The following C9orf153 variants were observed in gnomAD, a reference collection of about 807,000 sequenced individuals.
The protein encoded by C9orf153 is uncharacterized protein C9orf153.
Under a neutral mutation model 9.0 loss-of-function variants are expected in C9orf153, and 10 were observed. The observed-to-expected ratio is 1.11, with a 90% CI of 0.69 to 1.89. C9orf153 has a LOEUF of 1.89. Among genes scored for constraint, C9orf153 ranks in the 40% most tolerant of loss-of-function variants. C9orf153 has a pLI of 0.00. For missense variants in C9orf153, 108 were observed against 111.0 expected (o/e 0.97, Z 0.12); for synonymous variants, 35 against 37.3 (o/e 0.94, Z 0.23).
At chr9:86,250,042 T>C (rs1824961711) in intron 1 of C9orf153, among the ~76,000 whole-genome samples, 1 of 152,210 alleles carries the variant, frequency 6.6e-6, no homozygotes, top group South Asian at 2.1e-4. Context: ...TGGATTATTT[T>C]ATGGGGACAG....
At chr9:86,250,251 G>A (rs756509644) in intron 1 of C9orf153, among the ~76,000 whole-genome samples, 1 of 152,156 alleles carries the variant, frequency 6.6e-6, no homozygotes, top group Non-Finnish European at 1.5e-5. Context: ...TGTGATATGA[G>A]TTCAGTTAAT....
At chr9:86,248,631 T>C (rs1380732793) in intron 1 of C9orf153, among the ~76,000 whole-genome samples, 5 of 151,986 alleles carry the variant, frequency 3.3e-5, no homozygotes, top group African/African-American at 1.2e-4. Flanking sequence ...TGTCTGTGGG[T>C]TTATTTATTG....
At chr9:86,249,254 C>CA (rs911307589) in intron 1 of C9orf153, among the ~76,000 whole-genome samples, 5 of 152,190 alleles carry the variant, frequency 3.3e-5, no homozygotes, top group African/African-American at 1.2e-4. Flanking sequence ...GGGAGTAAGA[C>CA]AGAGTGTGGA....
chr9:86,238,078 T>A (rs960486666), intron 1 of C9orf153, among the ~76,000 whole-genome samples: 6 of 151,770 alleles, frequency 4.0e-5, no homozygotes, highest in African/African-American at 1.5e-4. Flanking sequence ...GAGAGAGACT[T>A]TGACGAAAAA....
chr9:86,254,920 C>T (rs1825080443), intron 1 of C9orf153, among the ~76,000 whole-genome samples: 2 of 152,046 alleles, frequency 1.3e-5, no homozygotes, highest in African/African-American at 4.8e-5. Context: ...CAAAAATTAG[C>T]TGGGTGTGGT....
At chr9:86,255,172 G>T (rs1825092790) in intron 1 of C9orf153, among the ~76,000 whole-genome samples, 1 of 139,150 alleles carries the variant, frequency 7.2e-6, no homozygotes, top group South Asian at 2.4e-4. Flanking sequence ...CCACTCCTTT[G>T]CCTATCTCTA....
intron 3 of C9orf153, 170 bp downstream of exon 3, chr9:86,227,685 C>T (rs768373318): frequency 5.5e-5 from 54 of 985,172 alleles, no homozygotes; most frequent in South Asian, 9.4e-5. Context: ...TTCGAGTGAT[C>T]GGTGAGAATT....
chr9:86,229,039 C>A, intron 2 of C9orf153: 2 of 192,292 alleles, frequency 1.0e-5, no homozygotes, highest in Non-Finnish European at 1.1e-5. Context: ...TTATAATAGT[C>A]TGTTTTGTTA....
intron 1 of C9orf153, among the ~76,000 whole-genome samples, chr9:86,239,841 G>A (rs1372473938): frequency 6.6e-6 from 1 of 152,188 alleles, no homozygotes; most frequent in Non-Finnish European, 1.5e-5. Flanking sequence ...TGATCTGCTT[G>A]AAGGAAAACT....
chr9:86,225,244 G>A (rs1824296660), intron 3 of C9orf153, among the ~76,000 whole-genome samples: 1 of 152,022 alleles, frequency 6.6e-6, no homozygotes, highest in South Asian at 2.1e-4. Flanking sequence ...ATGAATTGTT[G>A]CAATACTAAT....
At chr9:86,227,518 C>A (rs1824363371) in intron 3 of C9orf153, 1 of 1,365,428 alleles carries the variant, frequency 7.3e-7, no homozygotes, top group South Asian at 2.5e-5. Flanking sequence ...CCTTTTCTCC[C>A]ACATGGCCTC....
intron 1 of C9orf153, among the ~76,000 whole-genome samples, chr9:86,248,674 G>T (rs772121526): frequency 2.0e-5 from 3 of 152,022 alleles, no homozygotes; most frequent in Non-Finnish European, 4.4e-5. Flanking sequence ...CCCCTGCTGG[G>T]CCTGGCACTC....
At chr9:86,240,623 T>C (rs925756895) in intron 1 of C9orf153, among the ~76,000 whole-genome samples, 1 of 151,102 alleles carries the variant, frequency 6.6e-6, no homozygotes, top group African/African-American at 2.4e-5. Flanking sequence ...AGTGATCCAC[T>C]TGCCTCAGCC....
chr9:86,249,557 T>TC (rs11412379), intron 1 of C9orf153, among the ~76,000 whole-genome samples: 44,651 of 151,614 alleles, frequency 0.29, 6,756 homozygotes, highest in East Asian at 0.36. Flanking sequence ...CCTTTTTTTT[T>TC]TTTTTTTTTG....
intron 1 of C9orf153, among the ~76,000 whole-genome samples, chr9:86,235,029 T>C (rs1032483267): frequency 5.3e-5 from 8 of 152,116 alleles, no homozygotes; most frequent in African/African-American, 1.9e-4. Context: ...ATACAGGGAA[T>C]TGCAGCTTAC....
intron 1 of C9orf153, among the ~76,000 whole-genome samples, chr9:86,259,091 G>A (rs1232441354): frequency 1.3e-5 from 2 of 151,268 alleles, no homozygotes. Flanking sequence ...GTGCAGTGGC[G>A]TGAACACAGG....
chr9:86,230,286 G>T (rs534286298), intron 1 of C9orf153, among the ~76,000 whole-genome samples: 206 of 152,256 alleles, frequency 1.4e-3, no homozygotes, highest in African/African-American at 4.7e-3. Context: ...TATATGGATG[G>T]TTTTATTTTT....
chr9:86,238,379 CG>C (rs907430407), intron 1 of C9orf153, among the ~76,000 whole-genome samples: 9 of 152,114 alleles, frequency 5.9e-5, no homozygotes, highest in Non-Finnish European at 8.8e-5. Context: ...CACCAGACTC[CG>C]GGCCATAAAA....
At chr9:86,222,552 G>A (rs1824229418) in intron 3 of C9orf153, among the ~76,000 whole-genome samples, 2 of 152,110 alleles carry the variant, frequency 1.3e-5, no homozygotes, top group Non-Finnish European at 2.9e-5. Flanking sequence ...CCACAAGCTT[G>A]AGGTGTCATT....
Sources: gnomAD v4.1 joint callset for allele counts (sites outside exome capture counted in the v4.1 genomes callset) on GRCh38, gnomAD v4.1.1 for gene constraint, MANE v1.5 for transcripts, NCBI Gene and HGNC (gene_info 2026-07-23, HGNC 2026-07-21) for gene names.